C14orf132: variants seen among roughly 807,000 people sequenced by gnomAD.
C14orf132 encodes chromosome 14 open reading frame 132.
In C14orf132, 6 loss-of-function variants were observed where a neutral mutation model predicts 5.8. The observed-to-expected ratio is 1.03, with a 90% CI of 0.57 to 2.04. The LOEUF (loss-of-function observed/expected upper bound fraction) is 2.04. Ranked by LOEUF, C14orf132 falls within the 30% of genes most tolerant of loss-of-function variation. The probability of loss-of-function intolerance (pLI) is 0.00; values close to 1 mark genes in which losing one functional copy is unlikely to be tolerated. For synonymous variants in C14orf132, 51 were observed against 49.8 expected (o/e 1.02, Z -0.10); for missense variants, 125 against 115.8 (o/e 1.08, Z -0.37).
At position 96,056,393 on chromosome 14, in the gene C14orf132, G is replaced by C. The variant is rs192522960; in HGVS notation, c.27+16866G>C. ...CTGCTCTCACATTGTGCGACCTTAG[G>C]GAGAGGAGAGTGGTGAGGAACCTCC... On this transcript the variant is annotated intron_variant, in intron 1 of 1. Coordinates refer to ENST00000555004, the MANE Select transcript of C14orf132 (RefSeq NM_001252507.3). 1.7e-4 allele frequency among the ~76,000 whole-genome samples: 26 copies of C among 152,302 alleles called. 1 individual carries two copies. The East Asian group carries it at 5.0e-3, about 29-fold the overall frequency.
rs73349670 is a variant in C14orf132, at chr14:96,091,112, C to T, written c.*4377C>T. On this transcript the variant is annotated 3_prime_UTR_variant, in exon 2 of 2. Coordinates refer to ENST00000555004, the MANE Select transcript of C14orf132 (RefSeq NM_001252507.3). ...GGAGAAAACTGAGGCCAGGGCTGAA[C>T]GCTCACAGCTAAGGAGCTGTGATTC... 557 of 427,674 alleles carry T rather than the reference C, an allele frequency of 1.3e-3. 3 individuals carry two copies. Among genetic ancestry groups the T allele is most frequent in the African/African-American group, 9.2e-3 (458 of 49,746 alleles). The allele number at this position is 427,674 out of a possible 1,614,324, so 26.5% of individuals were successfully genotyped here.
intron 1 of C14orf132, among the ~76,000 whole-genome samples, chr14:96,047,640 T>A (rs1180808254): frequency 1.3e-5 from 2 of 152,164 alleles, no homozygotes; most frequent in Admixed American, 1.3e-4. Flanking sequence ...CAGATCCATT[T>A]TATAGGTGAG....
At chr14:96,063,201 C>G (rs1174586295) in intron 1 of C14orf132, among the ~76,000 whole-genome samples, 1 of 152,172 alleles carries the variant, frequency 6.6e-6, no homozygotes, top group Non-Finnish European at 1.5e-5. Context: ...CTTGTCCAAG[C>G]TGCCATCCCC....
intron 1 of C14orf132, among the ~76,000 whole-genome samples, chr14:96,069,206 ATTGGTTCTGTT>A (rs1213942689): frequency 1.9e-5 from 1 of 51,562 alleles, no homozygotes; most frequent in Non-Finnish European, 4.4e-5. Context: ...TATATATGTT[ATTGGTTCTGTT>A]TATGTTCACA....
chr14:96,078,179 T>C (rs1242450582), intron 1 of C14orf132, among the ~76,000 whole-genome samples: 1 of 152,214 alleles, frequency 6.6e-6, no homozygotes, highest in Admixed American at 6.5e-5. Flanking sequence ...CTTCAGACCA[T>C]GGGGCCCTTC....
chr14:96,066,721 C>T (rs1166903350), intron 1 of C14orf132, among the ~76,000 whole-genome samples: 2 of 152,042 alleles, frequency 1.3e-5, no homozygotes, highest in Non-Finnish European at 2.9e-5. Flanking sequence ...ACACAGTTAA[C>T]TATAATGTAA....
At position 96,090,552 on chromosome 14, in the gene C14orf132, C is replaced by T. The variant is rs529925157; in HGVS notation, c.*3817C>T. On this transcript the variant is annotated 3_prime_UTR_variant, in exon 2 of 2. Coordinates refer to ENST00000555004, the MANE Select transcript of C14orf132 (RefSeq NM_001252507.3). Reference sequence around the variant, plus strand: ...TCCAGGGACCCAGGCAGGATGATGGCGCAGCTCTTCCTACTCCAAGCCAAT... The same window carrying T: ...TCCAGGGACCCAGGCAGGATGATGGTGCAGCTCTTCCTACTCCAAGCCAAT... 6.0e-5 allele frequency: 27 copies of T among 453,464 alleles called. No homozygotes were observed. In the East Asian group the frequency reaches 9.8e-4, roughly 16 times the overall value. 28.1% of individuals were successfully genotyped at this position (453,464 alleles called of 1,614,324 possible).
intron 1 of C14orf132, among the ~76,000 whole-genome samples, chr14:96,040,976 T>C (rs964542976): frequency 5.3e-5 from 8 of 152,216 alleles, no homozygotes; most frequent in Non-Finnish European, 1.0e-4. Flanking sequence ...CTGCTAACCC[T>C]GGAGCTGGCT....
At chr14:96,056,836 T>C (rs1887197948) in intron 1 of C14orf132, among the ~76,000 whole-genome samples, 1 of 152,176 alleles carries the variant, frequency 6.6e-6, no homozygotes, top group Non-Finnish European at 1.5e-5. Context: ...GCACCTCACC[T>C]GTAGATGGTG....
intron 1 of C14orf132, among the ~76,000 whole-genome samples, chr14:96,054,400 A>C (rs1250535184): frequency 6.6e-6 from 1 of 152,166 alleles, no homozygotes; most frequent in African/African-American, 2.4e-5. Context: ...TTTGCCGCTT[A>C]AATATGGTAA....
At chr14:96,048,778 G>A (rs550133719) in intron 1 of C14orf132, among the ~76,000 whole-genome samples, 264 of 152,062 alleles carry the variant, frequency 1.7e-3, no homozygotes, top group African/African-American at 6.1e-3. Flanking sequence ...TGCCTGCCTC[G>A]GCCTCCCAAA....
chr14:96,039,459 A>G lies in C14orf132; in HGVS notation c.-42A>G. Reference sequence around the variant, plus strand: ...GTGCAGGCGGCTGACCCGCAGCGGCAGCGGCAGCAGCGAGGACTCGAGCGC... The same window carrying G: ...GTGCAGGCGGCTGACCCGCAGCGGCGGCGGCAGCAGCGAGGACTCGAGCGC... On this transcript the variant is annotated 5_prime_UTR_variant, in exon 1 of 2. Coordinates refer to ENST00000555004, the MANE Select transcript of C14orf132 (RefSeq NM_001252507.3). The surrounding 1 kb of genome is among the most constrained non-coding windows in gnomAD (Gnocchi z 5.3). The G allele has an allele frequency of 6.8e-7, 1 of 1,481,296 alleles. No homozygotes were observed. Among genetic ancestry groups the G allele is most frequent in the Non-Finnish European group, 9.0e-7 (1 of 1,116,336 alleles). 91.8% of individuals were successfully genotyped at this position (1,481,296 alleles called of 1,614,324 possible).
In C14orf132 at chr14:96,088,158, C is replaced by A. The variant is rs550663147; in HGVS notation, c.*1423C>A. On this transcript the variant is annotated 3_prime_UTR_variant, in exon 2 of 2. Transcript: ENST00000555004. The stretch of plus-strand genomic sequence containing the variant: ...GGAAGCTCTCGTGTATATTTAGAGA[C>A]AATTACAAGAAAGCTGGACTTGCCG... 3 of 152,280 alleles carry A rather than the reference C, an allele frequency of 2.0e-5. No homozygotes were observed. The East Asian group carries it at 5.8e-4, about 29-fold the overall frequency. The allele number at this position is 152,280 out of a possible 1,614,324, so 9.4% of individuals were successfully genotyped here. A position where few individuals can be genotyped will look rare whatever the true frequency, so the allele number is the denominator to read the frequency against.
At chr14:96,082,808 T>C (rs1450610719) in intron 1 of C14orf132, among the ~76,000 whole-genome samples, 3 of 152,228 alleles carry the variant, frequency 2.0e-5, no homozygotes, top group African/African-American at 4.8e-5. Flanking sequence ...TGCGTAACTG[T>C]CTTGGGCCAT....
chr14:96,044,586 A>G (rs968392698), intron 1 of C14orf132, among the ~76,000 whole-genome samples: 1 of 151,706 alleles, frequency 6.6e-6, no homozygotes, highest in African/African-American at 2.4e-5. Context: ...TCATTCTGTC[A>G]TGGTTCTGGA....
chr14:96,064,333 C>T (rs1011357696), intron 1 of C14orf132, among the ~76,000 whole-genome samples: 3 of 145,050 alleles, frequency 2.1e-5, no homozygotes, highest in South Asian at 2.2e-4. Context: ...CATCAATCAT[C>T]GAGTGGATAA....
In C14orf132 at chr14:96,091,130, T is replaced by G; in HGVS notation, c.*4395T>G. On this transcript the variant is annotated 3_prime_UTR_variant, in exon 2 of 2. Transcript: ENST00000555004. Reference sequence around the variant, plus strand: ...GGCTGAACGCTCACAGCTAAGGAGCTGTGATTCAGACCCAGTTCTGTCAGC... The same window carrying G: ...GGCTGAACGCTCACAGCTAAGGAGCGGTGATTCAGACCCAGTTCTGTCAGC... 1 of 410,720 alleles carries G rather than the reference T, an allele frequency of 2.4e-6. No homozygotes were observed. The highest frequency in any genetic ancestry group is 4.9e-6 in the Non-Finnish European group (1 of 204,902). 25.4% of individuals were successfully genotyped at this position (410,720 alleles called of 1,614,324 possible). A position where few individuals can be genotyped will look rare whatever the true frequency, so the allele number is the denominator to read the frequency against.
rs1329177409 is a variant in C14orf132, at chr14:96,092,458, T to TTC, written c.*5723_*5724insTC. On this transcript the variant is annotated 3_prime_UTR_variant, in exon 2 of 2. Transcript: ENST00000555004. ...TTGCAGGCCTCGATTATTGGGGGAA[T>TTC]CAGAGCCCATTCCACACCGAGCCCC... 28 of 152,284 alleles carry TTC rather than the reference T, an allele frequency of 1.8e-4. No individual in the cohort carries two copies. The highest frequency in any genetic ancestry group is 6.5e-4 in the African/African-American group (27 of 41,558). 9.4% of individuals were successfully genotyped at this position (152,284 alleles called of 1,614,324 possible). A position where few individuals can be genotyped will look rare whatever the true frequency, so the allele number is the denominator to read the frequency against.
chr14:96,044,372 G>T (rs1566821927), intron 1 of C14orf132, among the ~76,000 whole-genome samples: 1 of 152,100 alleles, frequency 6.6e-6, no homozygotes, highest in Non-Finnish European at 1.5e-5. Flanking sequence ...TAGAAATGAG[G>T]TCTCATTATA....
Sources: allele counts gnomAD v4.1 joint callset (sites outside exome capture counted in the v4.1 genomes callset), GRCh38; gene constraint gnomAD v4.1.1; non-coding constraint Gnocchi (gnomAD v3.1); transcripts MANE v1.5; gene names NCBI Gene and HGNC (gene_info 2026-07-23, HGNC 2026-07-21).